The following FKBP14 variants were observed in gnomAD, a reference collection of about 807,000 sequenced individuals.
FKBP14 encodes the protein peptidyl-prolyl cis-trans isomerase FKBP14.
FKBP14 carries 20 observed loss-of-function variants against 21.6 expected under a neutral mutation model. That is an observed-to-expected ratio of 0.92 (90% CI 0.65 to 1.34). The LOEUF (loss-of-function observed/expected upper bound fraction) is 1.34, where lower values mean the gene tolerates loss of function less well. Ranked by LOEUF, FKBP14 falls within the 40% of genes most tolerant of loss-of-function variation. The pLI is 0.00. For missense variants in FKBP14, 253 were observed against 249.0 expected (o/e 1.02, Z -0.11); for synonymous variants, 79 against 86.7 (o/e 0.91, Z 0.49).
chr7:30,020,252 G>A (rs1380626581), intron 2 of FKBP14: 45 of 1,273,938 alleles, frequency 3.5e-5, no homozygotes, highest in Non-Finnish European at 4.2e-5. Context: ...GCGCTAGGTT[G>A]TTGATAAAAC....
At chr7:30,007,731 C>CA (rs946455093), downstream of FKBP14, among the ~76,000 whole-genome samples, 8 of 152,166 alleles carry the variant, frequency 5.3e-5, no homozygotes, top group African/African-American at 1.4e-4. Flanking sequence ...CCACCTGCAT[C>CA]AGGGTCACCA....
Position 30,026,695 on chromosome 7 carries a change from A to G in FKBP14, c.-187T>C. Reference sequence around the variant, plus strand: ...AAGGGTCACGAACCTACCTTTAAAGAGTTAAGCCCAAATGCCGGCCTGACT... The same window carrying G: ...AAGGGTCACGAACCTACCTTTAAAGGGTTAAGCCCAAATGCCGGCCTGACT... On this transcript the variant is annotated 5_prime_UTR_variant, in exon 1 of 4. Transcript: ENST00000222803. 5.8e-6 allele frequency: 3 copies of G among 518,702 alleles called. No individual in the cohort carries two copies. The highest frequency in any genetic ancestry group is 1.9e-5 in the African/African-American group (1 of 53,090). 32.1% of individuals were successfully genotyped at this position (518,702 alleles called of 1,614,324 possible).
intron 2 of FKBP14, 85 bp from the exon 3 acceptor site, chr7:30,019,208 T>C: frequency 7.3e-7 from 1 of 1,364,964 alleles, no homozygotes; most frequent in Non-Finnish European, 9.9e-7. Flanking sequence ...CAAAGTATTT[T>C]TTTTAACTGA....
rs150646170 is a variant in FKBP14 at position 30,019,550 on chromosome 7, T to C, written c.350-427A>G. On this transcript the variant is annotated intron_variant, in intron 2 of 3. Coordinates refer to ENST00000222803, the MANE Select transcript of FKBP14 (RefSeq NM_017946.4). Reference sequence around the variant, plus strand: ...TGGTCAGAAAGTCCTGACCTAGAAATACATACAGTATTGCCATTTCTACCA... The same window carrying C: ...TGGTCAGAAAGTCCTGACCTAGAAACACATACAGTATTGCCATTTCTACCA... 3.9e-5 allele frequency among the ~76,000 whole-genome samples: 6 copies of C among 152,256 alleles called. No homozygotes were observed. In the East Asian group the frequency reaches 7.7e-4, roughly 20 times the overall value.
intron 3 of FKBP14, among the ~76,000 whole-genome samples, chr7:30,017,886 C>G (rs1009335714): frequency 5.3e-5 from 8 of 152,010 alleles, no homozygotes; most frequent in Non-Finnish European, 8.8e-5. Flanking sequence ...GATGGTGCAG[C>G]TACTTGGGAG....
At chr7:30,016,051 C>T (rs1307384640) in intron 3 of FKBP14, among the ~76,000 whole-genome samples, 1 of 152,088 alleles carries the variant, frequency 6.6e-6, no homozygotes, top group Non-Finnish European at 1.5e-5. Flanking sequence ...CTGGGACTTA[C>T]AGGCATGTGC....
rs761228507 is a variant in FKBP14 at position 30,014,711 on chromosome 7, T to C, written c.*24A>G. On this transcript the variant is annotated 3_prime_UTR_variant, in exon 4 of 4. Coordinates refer to ENST00000222803, the MANE Select transcript of FKBP14 (RefSeq NM_017946.4). ...CTGCCCTCTCTTGAAAGATGAGTGC[T>C]ATATTAAAAGGGTAGATGTATCTCT... The C allele has an allele frequency of 2.1e-6, 3 of 1,462,854 alleles. No individual in the cohort carries two copies. The highest frequency in any genetic ancestry group is 2.7e-6 in the Non-Finnish European group (3 of 1,098,404). The allele number at this position is 1,462,854 out of a possible 1,614,324, so 90.6% of individuals were successfully genotyped here.
At chr7:30,022,458 T>C (rs1790055899) in intron 2 of FKBP14, 1 of 455,150 alleles carries the variant, frequency 2.2e-6, no homozygotes, top group Non-Finnish European at 3.8e-6. Context: ...TCTTTTTTTA[T>C]TGTTAGCATA....
rs193185660 is a variant in FKBP14, at chr7:30,022,478, T to G, written c.349+187A>C. On this transcript the variant is annotated intron_variant, in intron 2 of 3. Coordinates refer to ENST00000222803, the MANE Select transcript of FKBP14 (RefSeq NM_017946.4). ...TTTTATTGTTAGCATAGTTGCCCATTTAGACATTACGGCCTTAAACTGGCC... is the reference window on the plus strand; with the variant it reads ...TTTTATTGTTAGCATAGTTGCCCATGTAGACATTACGGCCTTAAACTGGCC... The G allele has an allele frequency of 1.4e-3, 713 of 508,250 alleles. 2 individuals are homozygous for G. Among genetic ancestry groups the G allele is most frequent in the East Asian group, 0.011 (344 of 31,558 alleles). The allele number at this position is 508,250 out of a possible 1,614,324, so 31.5% of individuals were successfully genotyped here. A position where few individuals can be genotyped will look rare whatever the true frequency, so the allele number is the denominator to read the frequency against.
At chr7:30,010,170 G>T (rs188965503), downstream of FKBP14, among the ~76,000 whole-genome samples, 3 of 152,148 alleles carry the variant, frequency 2.0e-5, no homozygotes, top group East Asian at 5.8e-4. Flanking sequence ...CCCGCATTTC[G>T]TTTAATCAGA....
At chr7:30,019,429 A>T (rs1172278095) in intron 2 of FKBP14, among the ~76,000 whole-genome samples, 1 of 152,130 alleles carries the variant, frequency 6.6e-6, no homozygotes, top group Non-Finnish European at 1.5e-5. Flanking sequence ...TACATTTCTA[A>T]TATAATTAAT....
At chr7:30,020,165 C>T in intron 2 of FKBP14, 1 of 980,706 alleles carries the variant, frequency 1.0e-6, no homozygotes, top group African/African-American at 1.8e-5. Flanking sequence ...CATGAAAGAA[C>T]ATTCATAAAT....
downstream of FKBP14, among the ~76,000 whole-genome samples, chr7:30,007,017 G>A (rs779824078): frequency 3.9e-5 from 6 of 152,198 alleles, no homozygotes; most frequent in Non-Finnish European, 7.3e-5. Context: ...TGTTCGCTGT[G>A]CCACGGCTGA....
chr7:30,007,662 G>GT (rs767261894), downstream of FKBP14, among the ~76,000 whole-genome samples: 1 of 152,188 alleles, frequency 6.6e-6, no homozygotes, highest in Non-Finnish European at 1.5e-5. Context: ...ATAGGAGACT[G>GT]TATTTACAAG....
Position 30,014,797 on chromosome 7 carries a change from CTTCT to C in FKBP14, c.570_573del (p.Glu191MetfsTer29). ...GATATAAACCCATCTTTGTCTTCAT[CTTCT>C]TTATCAAAAATATCCTCCACCAAAG... On this transcript the variant is annotated frameshift_variant, in exon 4 of 4. Coordinates refer to ENST00000222803, the MANE Select transcript of FKBP14 (RefSeq NM_017946.4). LOFTEE classifies it high-confidence loss of function. 1 of 1,611,436 alleles carries C rather than the reference CTTCT, an allele frequency of 6.2e-7. No homozygotes were observed. The highest frequency in any genetic ancestry group is 8.5e-7 in the Non-Finnish European group (1 of 1,179,198).
intron 2 of FKBP14, chr7:30,020,157 T>C (rs1583731655): frequency 1.1e-6 from 1 of 938,200 alleles, no homozygotes; most frequent in South Asian, 2.2e-5. Flanking sequence ...CATATTTCCA[T>C]GAAAGAACAT....
At chr7:30,009,479 C>G (rs539984097), downstream of FKBP14, among the ~76,000 whole-genome samples, 1 of 152,040 alleles carries the variant, frequency 6.6e-6, no homozygotes, top group South Asian at 2.1e-4. Context: ...GTGATCCCCC[C>G]GCCTCAGCGT....
At chr7:30,006,889 C>G (rs748520229), downstream of FKBP14, among the ~76,000 whole-genome samples, 46 of 152,144 alleles carry the variant, frequency 3.0e-4, no homozygotes, top group Non-Finnish European at 3.1e-4. Context: ...CCTCCCAAAC[C>G]CCTTATTTTT....
At position 30,013,274 on chromosome 7, in the gene FKBP14, G is replaced by T. The variant is rs1227530195; in HGVS notation, c.*1461C>A. Reference sequence around the variant, plus strand: ...TGCTTCTTTTTTTTTTTTTGAGATGGAGTCTTGCTCTGTCACCCAGGCTGG... The same window carrying T: ...TGCTTCTTTTTTTTTTTTTGAGATGTAGTCTTGCTCTGTCACCCAGGCTGG... On this transcript the variant is annotated 3_prime_UTR_variant, in exon 4 of 4. Coordinates refer to ENST00000222803, the MANE Select transcript of FKBP14 (RefSeq NM_017946.4). 6.7e-6 allele frequency: 1 copy of T among 149,538 alleles called. No homozygotes were observed. The highest frequency in any genetic ancestry group is 6.6e-5 in the Admixed American group (1 of 15,058). 9.3% of individuals were successfully genotyped at this position (149,538 alleles called of 1,614,324 possible).
Sources: allele counts gnomAD v4.1 joint callset (sites outside exome capture counted in the v4.1 genomes callset), GRCh38; gene constraint gnomAD v4.1.1; transcripts MANE v1.5; gene names NCBI Gene and HGNC (gene_info 2026-07-23, HGNC 2026-07-21).